SMG5: variants seen among roughly 807,000 people sequenced by gnomAD.
SMG5 encodes nonsense-mediated mRNA decay factor SMG5.
Under a neutral mutation model 122.9 loss-of-function variants are expected in SMG5, and 53 were observed. That is an observed-to-expected ratio of 0.43 (90% confidence interval 0.35 to 0.54). The LOEUF (loss-of-function observed/expected upper bound fraction) is 0.54, where lower values mean the gene tolerates loss of function less well. Ranked by LOEUF, SMG5 falls within the 20% of genes least tolerant of loss-of-function variation. SMG5 has a pLI of 0.01. For synonymous variants in SMG5, 477 were observed against 490.2 expected (o/e 0.97, Z 0.35); for missense variants, 1,153 against 1,285.6 (o/e 0.90, Z 1.58).
At chr1:156,285,888 T>C (rs773689203), upstream of SMG5, 7 of 1,613,882 alleles carry the variant, frequency 4.3e-6, no homozygotes, top group Non-Finnish European at 5.9e-6. Flanking sequence ...GCATATGCCT[T>C]CCTGCCGTTT....
At chr1:156,290,233 T>G in the SMG5 span, 1 of 152,536 alleles carries the variant, frequency 6.6e-6, no homozygotes, top group South Asian at 2.1e-4. Flanking sequence ...TTTGCTCATA[T>G]ATGCACTTTT....
the SMG5 span, among the ~76,000 whole-genome samples, chr1:156,289,528 C>T: frequency 2.6e-5 from 4 of 152,298 alleles, no homozygotes; most frequent in East Asian, 1.9e-4. Flanking sequence ...AGGAGAATGG[C>T]GTGAACCTGG....
upstream of SMG5, chr1:156,286,525 C>T (rs767370691): frequency 1.9e-6 from 3 of 1,577,490 alleles, no homozygotes; most frequent in Admixed American, 1.7e-5. Flanking sequence ...GCTAGAGAAC[C>T]TAGGCATCTG....
upstream of SMG5, chr1:156,282,932 G>A: frequency 1.8e-6 from 1 of 551,664 alleles, no homozygotes; most frequent in Non-Finnish European, 3.2e-6. Context: ...CCGGGAAGTT[G>A]CCAGAACTAA....
At chr1:156,281,184 C>T (rs1662918640) in intron 1 of SMG5, among the ~76,000 whole-genome samples, 1 of 152,192 alleles carries the variant, frequency 6.6e-6, no homozygotes, top group Non-Finnish European at 1.5e-5. Flanking sequence ...CTGCTCAAAG[C>T]CAACAACACA....
chr1:156,249,782 C>T lies in SMG5; in HGVS notation c.*805G>A, dbSNP rs1281357357. On this transcript the variant is annotated 3_prime_UTR_variant, in exon 22 of 22. Coordinates refer to ENST00000361813, the MANE Select transcript of SMG5 (RefSeq NM_015327.3). Reference sequence around the variant, plus strand: ...TTCTCTTCCTGGCATCCCATTCTGTCCCAGCACAGCAGCCAAGAGCACAAA... The same window carrying T: ...TTCTCTTCCTGGCATCCCATTCTGTTCCAGCACAGCAGCCAAGAGCACAAA... 2.1e-6 allele frequency: 1 copy of T among 471,192 alleles called. No homozygotes were observed. The highest frequency in any genetic ancestry group is 1.5e-5 in the South Asian group (1 of 64,578). 29.2% of individuals were successfully genotyped at this position (471,192 alleles called of 1,614,324 possible).
intron 15 of SMG5, 67 bp from the exon 16 acceptor site, chr1:156,259,230 ACC>A: frequency 6.9e-7 from 1 of 1,440,708 alleles, no homozygotes; most frequent in South Asian, 1.5e-5. Flanking sequence ...GCCCTCCAGG[ACC>A]CTCCACTCCC....
intron 15 of SMG5, 130 bp downstream of exon 15, chr1:156,260,321 T>G: frequency 8.9e-7 from 1 of 1,119,380 alleles, no homozygotes. Context: ...GCACAGCCTG[T>G]AGCCCCAAGG....
chr1:156,286,070 T>C, upstream of SMG5: 4 of 1,528,416 alleles, frequency 2.6e-6, no homozygotes, highest in Non-Finnish European at 3.5e-6. Context: ...AGGATTTCCC[T>C]TCACTTGACC....
upstream of SMG5, chr1:156,286,498 A>G (rs748783799): frequency 1.2e-6 from 2 of 1,609,782 alleles, no homozygotes; most frequent in Non-Finnish European, 1.7e-6. Flanking sequence ...AGGGTGGGGC[A>G]TGGGAGAGGG....
chr1:156,270,317 G>A (rs1389511741), intron 7 of SMG5, among the ~76,000 whole-genome samples: 11 of 152,286 alleles, frequency 7.2e-5, no homozygotes, highest in Non-Finnish European at 1.3e-4. Context: ...CTAAGTCATT[G>A]TTCACTGTTG....
At chr1:156,285,214 C>G, upstream of SMG5, 1 of 1,523,746 alleles carries the variant, frequency 6.6e-7, no homozygotes. Context: ...GATCCCAGAA[C>G]TGAGGCCCCA....
At chr1:156,259,310 T>C in intron 15 of SMG5, 147 bp from the exon 16 acceptor site, 3 of 838,318 alleles carry the variant, frequency 3.6e-6, no homozygotes, top group Non-Finnish European at 5.2e-6. Flanking sequence ...ATTTGTGGTC[T>C]ATGGGGTGGG....
intron 21 of SMG5, 49 bp from the exon 22 acceptor site, chr1:156,250,719 G>A: frequency 6.2e-7 from 1 of 1,606,284 alleles, no homozygotes; most frequent in Non-Finnish European, 8.5e-7. Flanking sequence ...CTCCTGAACT[G>A]AAGAGCAAAT....
At chr1:156,270,283 T>C (rs1662348128) in intron 7 of SMG5, among the ~76,000 whole-genome samples, 1 of 152,190 alleles carries the variant, frequency 6.6e-6, no homozygotes, top group Admixed American at 6.5e-5. Context: ...TAGAATATTA[T>C]AGAAGTAACA....
chr1:156,276,181 C>A (rs1662678559), intron 4 of SMG5, among the ~76,000 whole-genome samples: 1 of 144,854 alleles, frequency 6.9e-6, no homozygotes, highest in Non-Finnish European at 1.5e-5. Context: ...GGCTGGAGTG[C>A]AGTGGCGTGA....
chr1:156,263,058 C>G (rs1042226238), intron 13 of SMG5, among the ~76,000 whole-genome samples: 4 of 152,242 alleles, frequency 2.6e-5, no homozygotes, highest in African/African-American at 7.2e-5. Context: ...TCAATGTTCT[C>G]TCCCTTCTCT....
intron 10 of SMG5, 39 bp downstream of exon 10, chr1:156,267,431 A>T: frequency 6.2e-7 from 1 of 1,600,322 alleles, no homozygotes; most frequent in Non-Finnish European, 8.6e-7. Flanking sequence ...GGATCCCCAA[A>T]GCCAGTGGAA....
rs972968683 is a variant in SMG5, at chr1:156,249,725, G to C, written c.*862C>G. On this transcript the variant is annotated 3_prime_UTR_variant, in exon 22 of 22. Transcript: ENST00000361813. ...CTTCAGCCCTCCCTTAGATAGGAAG[G>C]GGGGTGGTGGCCTCAGACTGCACCC... 2.1e-5 allele frequency: 10 copies of C among 469,462 alleles called. No individual in the cohort carries two copies. The highest frequency in any genetic ancestry group is 6.0e-5 in the African/African-American group (3 of 50,032). The allele number at this position is 469,462 out of a possible 1,614,324, so 29.1% of individuals were successfully genotyped here. A position where few individuals can be genotyped will look rare whatever the true frequency, so the allele number is the denominator to read the frequency against.
Sources: allele counts gnomAD v4.1 joint callset (sites outside exome capture counted in the v4.1 genomes callset), GRCh38; gene constraint gnomAD v4.1.1; transcripts MANE v1.5; gene names NCBI Gene and HGNC (gene_info 2026-07-23, HGNC 2026-07-21).